The following IQSEC1 variants were observed in gnomAD, a reference collection of about 807,000 sequenced individuals.
IQSEC1 encodes the protein IQ motif and Sec7 domain ArfGEF 1, also known as IQ motif and SEC7 domain-containing protein 1.
Under a neutral mutation model 91.0 loss-of-function variants are expected in IQSEC1, and 31 were observed. The ratio of observed to expected loss-of-function variants is 0.34; its 90% CI spans 0.26 to 0.46. IQSEC1 has a LOEUF of 0.46. Ranked by LOEUF, IQSEC1 falls within the 20% of genes least tolerant of loss-of-function variation. The pLI is 1.00. For synonymous variants in IQSEC1, 699 were observed against 662.6 expected (o/e 1.05, Z -0.84); for missense variants, 1,388 against 1,575.6 (o/e 0.88, Z 2.02).
intron 1 of IQSEC1, among the ~76,000 whole-genome samples, chr3:13,247,298 G>C (rs1467481969): frequency 4.6e-5 from 7 of 152,172 alleles, no homozygotes; most frequent in African/African-American, 1.4e-4. Flanking sequence ...TTTCTCTGCT[G>C]CCATTCTGTT....
At chr3:13,167,716 G>C (rs1427396143) in intron 1 of IQSEC1, among the ~76,000 whole-genome samples, 2 of 152,246 alleles carry the variant, frequency 1.3e-5, no homozygotes, top group Non-Finnish European at 2.9e-5. Context: ...AGACGGCCAA[G>C]GCTCAAGTGA....
intron 1 of IQSEC1, among the ~76,000 whole-genome samples, chr3:13,242,955 A>G (rs1219216775): frequency 1.3e-5 from 2 of 152,088 alleles, no homozygotes; most frequent in Non-Finnish European, 2.9e-5. Context: ...GCCCTACGGG[A>G]AACTCTTTAA....
chr3:13,237,152 C>T (rs1388077470), intron 1 of IQSEC1, among the ~76,000 whole-genome samples: 1 of 152,228 alleles, frequency 6.6e-6, no homozygotes, highest in Non-Finnish European at 1.5e-5. Flanking sequence ...AGGTTTCTTT[C>T]AGAAATAGGA....
At chr3:13,230,388 C>T (rs1301345277) in intron 1 of IQSEC1, among the ~76,000 whole-genome samples, 1 of 152,138 alleles carries the variant, frequency 6.6e-6, no homozygotes, top group Non-Finnish European at 1.5e-5. Context: ...GTGAAGCTTC[C>T]CCAGGTGTTT....
chr3:13,178,316 A>G (rs1033216166), intron 1 of IQSEC1, among the ~76,000 whole-genome samples: 3 of 152,216 alleles, frequency 2.0e-5, no homozygotes, highest in Non-Finnish European at 4.4e-5. Context: ...CAATCAGCAA[A>G]TGAGCAAATA....
At chr3:13,107,638 T>C (rs907393008) in intron 2 of IQSEC1, among the ~76,000 whole-genome samples, 2 of 152,186 alleles carry the variant, frequency 1.3e-5, no homozygotes, top group African/African-American at 2.4e-5. Flanking sequence ...CAACAACAGG[T>C]ATAATTTCTA....
At chr3:13,172,267 G>A (rs1405690600) in intron 1 of IQSEC1, among the ~76,000 whole-genome samples, 1 of 152,220 alleles carries the variant, frequency 6.6e-6, no homozygotes, top group Non-Finnish European at 1.5e-5. Context: ...CGGCTGGGGA[G>A]TAGATGGAAC....
In IQSEC1 at chr3:12,901,390, G is replaced by T. The variant is rs755482053; in HGVS notation, c.2938C>A (p.Pro980Thr). The T allele has an allele frequency of 6.5e-7, 1 of 1,542,014 alleles. No homozygotes were observed. The highest frequency in any genetic ancestry group is 2.0e-5 in the Admixed American group (1 of 50,948). The change falls in exon 14 of 14, where the codon CCC becomes ACC. Residue 980 changes from proline to threonine, a missense_variant. Pro to Thr is a conservative substitution (Grantham distance 38, BLOSUM62 -1). Coordinates refer to ENST00000613206, the MANE Select transcript of IQSEC1 (RefSeq NM_001134382.3). ...GSLFGSKRGK[P>T]PPQAHLPSAP... The stretch of plus-strand genomic sequence containing the variant: ...GAGGGCAGGTGGGCCTGGGGAGGGG[G>T]CTTCCCTCTCTTGCTCCCGAATAAG...
intron 1 of IQSEC1, among the ~76,000 whole-genome samples, chr3:13,202,483 A>G (rs1694262271): frequency 6.6e-6 from 1 of 152,186 alleles, no homozygotes; most frequent in Admixed American, 6.5e-5. Flanking sequence ...GAAATTCAAC[A>G]TGGATGAACC....
chr3:13,247,456 G>A (rs748549895), intron 1 of IQSEC1, among the ~76,000 whole-genome samples: 9 of 152,094 alleles, frequency 5.9e-5, no homozygotes, highest in Non-Finnish European at 1.3e-4. Context: ...CTCCCTCATC[G>A]CCCCCCTTGG....
At chr3:13,025,961 T>C (rs1310728418) in intron 1 of IQSEC1, among the ~76,000 whole-genome samples, 1 of 152,190 alleles carries the variant, frequency 6.6e-6, no homozygotes, top group African/African-American at 2.4e-5. Flanking sequence ...CTGTCCACCC[T>C]GGGCCAGGAA....
intron 1 of IQSEC1, among the ~76,000 whole-genome samples, chr3:13,176,532 C>A (rs1269673117): frequency 6.6e-6 from 1 of 152,212 alleles, no homozygotes; most frequent in Non-Finnish European, 1.5e-5. Context: ...GGAACACATT[C>A]TAAACACAGA....
intron 1 of IQSEC1, among the ~76,000 whole-genome samples, chr3:13,188,120 C>T (rs186906488): frequency 6.6e-6 from 1 of 152,326 alleles, no homozygotes; most frequent in East Asian, 1.9e-4. Flanking sequence ...TGCCTTTAGA[C>T]CTCTGGTAGG....
At chr3:13,178,012 A>G (rs1263954352) in intron 1 of IQSEC1, among the ~76,000 whole-genome samples, 4 of 152,230 alleles carry the variant, frequency 2.6e-5, no homozygotes, top group African/African-American at 9.6e-5. Context: ...GCTCAGCCAC[A>G]CTGGCAACAG....
Position 12,901,081 on chromosome 3 carries a change from G to A in IQSEC1, c.3247C>T (p.His1083Tyr), listed in dbSNP as rs1207150325. ...TGGTGGTGCACTGTGTGCCCCACGT[G>A]GGCCGAGGGCAGCGGCGGGTGGCCG... The part of the protein sequence containing the change: ...AHGHPPLPSA[H>Y]VGHTVHHHGQ... Residue 1083 changes from histidine to tyrosine, a missense_variant, in exon 14 of 14, where the codon CAC becomes TAC. This residue lies in a region of IQSEC1 where 329 missense variants were observed against 257.8 expected (regional missense o/e 1.28). Coordinates refer to ENST00000613206, the MANE Select transcript of IQSEC1 (RefSeq NM_001134382.3). 4.5e-6 allele frequency: 7 copies of A among 1,541,010 alleles called. No individual in the cohort carries two copies. The highest frequency in any genetic ancestry group is 2.0e-5 in the Admixed American group (1 of 50,738).
At chr3:13,058,210 T>C (rs1163256974) in intron 1 of IQSEC1, among the ~76,000 whole-genome samples, 4 of 152,040 alleles carry the variant, frequency 2.6e-5, no homozygotes, top group Admixed American at 6.6e-5. Flanking sequence ...TGGGCGGAGG[T>C]TGCAGTGAGC....
intron 2 of IQSEC1, among the ~76,000 whole-genome samples, chr3:13,154,294 C>T (rs1048135353): frequency 2.0e-5 from 3 of 150,608 alleles, no homozygotes; most frequent in African/African-American, 4.9e-5. Flanking sequence ...AGCTGCCAGA[C>T]ACGCACAAGG....
intron 1 of IQSEC1, chr3:13,047,400 G>T: frequency 1.2e-6 from 1 of 807,724 alleles, no homozygotes; most frequent in Non-Finnish European, 1.5e-6. Context: ...GCTCTTGGAG[G>T]CCTGCCTCTG....
At chr3:13,245,426 AG>A (rs1695092273) in intron 1 of IQSEC1, among the ~76,000 whole-genome samples, 1 of 152,228 alleles carries the variant, frequency 6.6e-6, no homozygotes, top group Non-Finnish European at 1.5e-5. Flanking sequence ...GGTGGAAAAA[AG>A]GGCTCCACCT....
Sources: allele counts gnomAD v4.1 joint callset (sites outside exome capture counted in the v4.1 genomes callset), GRCh38; gene constraint gnomAD v4.1.1; regional missense constraint gnomAD v4.1.1; transcripts MANE v1.5; gene names NCBI Gene and HGNC (gene_info 2026-07-23, HGNC 2026-07-21).